The following SNRPG variants were observed in gnomAD, a reference collection of about 807,000 sequenced individuals.
SNRPG encodes small nuclear ribonucleoprotein polypeptide G.
SNRPG carries 3 observed loss-of-function variants against 13.9 expected under a neutral mutation model. The ratio of observed to expected loss-of-function variants is 0.22; its 90% CI spans 0.10 to 0.56. SNRPG has a LOEUF of 0.56. Ranked by LOEUF, SNRPG falls within the 20% of genes least tolerant of loss-of-function variation. SNRPG has a pLI of 0.93. For missense variants in SNRPG, 34 were observed against 96.1 expected (o/e 0.35, Z 2.70); for synonymous variants, 29 against 29.3 (o/e 0.99, Z 0.03).
intron 1 of SNRPG, among the ~76,000 whole-genome samples, chr2:70,290,650 G>A (rs1697060281): frequency 6.6e-6 from 1 of 151,522 alleles, no homozygotes; most frequent in Non-Finnish European, 1.5e-5. Context: ...TATAAAACAA[G>A]GAGCATGACT....
chr2:70,289,168 T>C (rs1697015689), intron 2 of SNRPG, among the ~76,000 whole-genome samples, 182 bp downstream of exon 2: 1 of 152,096 alleles, frequency 6.6e-6, no homozygotes, highest in African/African-American at 2.4e-5. Flanking sequence ...TTAGCCAGGA[T>C]GGTCTTGATC....
At chr2:70,293,542 C>T in intron 1 of SNRPG, 76 bp downstream of exon 1, 1 of 1,233,070 alleles carries the variant, frequency 8.1e-7, no homozygotes, top group South Asian at 1.2e-5. Context: ...AGACATTCGG[C>T]TAACGGAGAG....
intron 1 of SNRPG, among the ~76,000 whole-genome samples, chr2:70,292,369 C>A (rs543686128): frequency 3.3e-5 from 5 of 151,338 alleles, no homozygotes; most frequent in Non-Finnish European, 7.4e-5. Context: ...TTTTTTGAAA[C>A]AGAGTTTCGG....
chr2:70,283,125 CAACAAACCA>C (rs1416964046), intron 3 of SNRPG, among the ~76,000 whole-genome samples: 1 of 53,202 alleles, frequency 1.9e-5, no homozygotes, highest in African/African-American at 6.4e-5. Context: ...AAAAAAAAAA[CAACAAACCA>C]AAACCAAAAC....
intron 3 of SNRPG, among the ~76,000 whole-genome samples, chr2:70,285,299 C>T (rs965755889): frequency 4.6e-5 from 7 of 152,090 alleles, no homozygotes; most frequent in African/African-American, 7.2e-5. Flanking sequence ...GCTGGCCAGG[C>T]GCGGTGGCTC....
At chr2:70,288,275 C>A (rs906670459) in intron 2 of SNRPG, 83 bp from the exon 3 acceptor site, 13 of 1,200,726 alleles carry the variant, frequency 1.1e-5, no homozygotes, top group African/African-American at 1.5e-5. Context: ...GGATAAAACA[C>A]AAGTATTTGA....
intron 1 of SNRPG, among the ~76,000 whole-genome samples, chr2:70,291,693 G>T (rs1366383656): frequency 6.6e-6 from 1 of 152,144 alleles, no homozygotes; most frequent in Non-Finnish European, 1.5e-5. Context: ...CGGCAGATCT[G>T]ACCGGATTTC....
intron 3 of SNRPG, 167 bp downstream of exon 3, chr2:70,287,901 C>G (rs1696982264): frequency 1.6e-6 from 1 of 630,814 alleles, no homozygotes; most frequent in East Asian, 2.7e-5. Flanking sequence ...CTACAGGTAA[C>G]CAGGATATTA....
intron 3 of SNRPG, among the ~76,000 whole-genome samples, chr2:70,283,620 A>G (rs1696869009): frequency 6.6e-6 from 1 of 152,220 alleles, no homozygotes; most frequent in Non-Finnish European, 1.5e-5. Context: ...AGAGGGCTCA[A>G]TAACCTGGTA....
intron 3 of SNRPG, among the ~76,000 whole-genome samples, chr2:70,287,059 G>A (rs560343902): frequency 6.6e-6 from 1 of 152,038 alleles, no homozygotes; most frequent in Non-Finnish European, 1.5e-5. Context: ...ACTCTAAACT[G>A]TTTTTTCAGT....
intron 1 of SNRPG, among the ~76,000 whole-genome samples, chr2:70,290,585 G>A (rs1257458739): frequency 1.3e-5 from 2 of 151,848 alleles, no homozygotes; most frequent in Admixed American, 1.3e-4. Flanking sequence ...TATGGGCCAC[G>A]AAGTGGGGCA....
chr2:70,293,390 C>G lies in SNRPG; in HGVS notation c.32+228G>C, dbSNP rs906540893. 3 of 629,110 alleles carry G rather than the reference C, an allele frequency of 4.8e-6. No homozygotes were observed. The African/African-American group carries it at 5.5e-5, about 11-fold the overall frequency. 39.0% of individuals were successfully genotyped at this position (629,110 alleles called of 1,614,324 possible). A position where few individuals can be genotyped will look rare whatever the true frequency, so the allele number is the denominator to read the frequency against. ...CAGACCGCGGGACCTGGAGACTAGTCGGCCGGAAGGAGGTGCCGTGGCTGC... is the reference window on the plus strand; with the variant it reads ...CAGACCGCGGGACCTGGAGACTAGTGGGCCGGAAGGAGGTGCCGTGGCTGC... On this transcript the variant is annotated intron_variant, in intron 1 of 3. Coordinates refer to ENST00000272348, the MANE Select transcript of SNRPG (RefSeq NM_003096.4).
At chr2:70,283,114 A>AAAAAAAAAAAAAAAC (rs1696848853) in intron 3 of SNRPG, among the ~76,000 whole-genome samples, 2 of 147,888 alleles carry the variant, frequency 1.4e-5, no homozygotes, top group African/African-American at 5.1e-5. Flanking sequence ...AAAAAAAAAA[A>AAAAAAAAAAAAAAAC]AAAAAAAAAA....
chr2:70,286,509 AT>A (rs1696945937), intron 3 of SNRPG, among the ~76,000 whole-genome samples: 1 of 151,462 alleles, frequency 6.6e-6, no homozygotes, highest in Non-Finnish European at 1.5e-5. Context: ...CTGTCTGCTG[AT>A]AAAAACTTTT....
At chr2:70,293,537 TTCGGC>T (rs1223990905) in intron 1 of SNRPG, 76 bp downstream of exon 1, 124 of 1,184,948 alleles carry the variant, frequency 1.0e-4, no homozygotes, top group Admixed American at 5.2e-4. Flanking sequence ...GCTCAAGACA[TTCGGC>T]TAACGGAGAG....
At chr2:70,286,254 G>T (rs1370627346) in intron 3 of SNRPG, among the ~76,000 whole-genome samples, 1 of 152,060 alleles carries the variant, frequency 6.6e-6, no homozygotes, top group African/African-American at 2.4e-5. Flanking sequence ...CAATAAAACA[G>T]TATTAAGTAA....
chr2:70,290,375 GAAT>G (rs1256917346), intron 1 of SNRPG, among the ~76,000 whole-genome samples: 1 of 151,296 alleles, frequency 6.6e-6, no homozygotes, highest in African/African-American at 2.4e-5. Context: ...GTATATTTTA[GAAT>G]AATAAATGCA....
rs543128110 is a variant in SNRPG, at chr2:70,282,967, G to C, written c.181-1283C>G. Among the ~76,000 whole-genome samples, 4 of 151,914 alleles carry C rather than the reference G, an allele frequency of 2.6e-5. No homozygotes were observed. In the East Asian group the frequency reaches 7.7e-4, roughly 29 times the overall value. ...AAATTAGCCGGGTGTGGTGGCACAT[G>C]CCTGTAATCCCAGCTACTCAGGAGG... On this transcript the variant is annotated intron_variant, in intron 3 of 3. Coordinates refer to ENST00000272348, the MANE Select transcript of SNRPG (RefSeq NM_003096.4).
At chr2:70,290,074 C>G (rs562216127) in intron 1 of SNRPG, among the ~76,000 whole-genome samples, 176 of 148,052 alleles carry the variant, frequency 1.2e-3, no homozygotes, top group African/African-American at 4.3e-3. Flanking sequence ...TTCCTGGCCT[C>G]GAAAAATATA....
Sources: allele counts gnomAD v4.1 joint callset (sites outside exome capture counted in the v4.1 genomes callset), GRCh38; gene constraint gnomAD v4.1.1; transcripts MANE v1.5; gene names NCBI Gene and HGNC (gene_info 2026-07-23, HGNC 2026-07-21).